Variants in WDR17 observed in about 807,000 individuals in gnomAD.
WDR17 encodes the protein WD repeat-containing protein 17.
WDR17 carries 143 observed loss-of-function variants against 161.7 expected under a neutral mutation model. The observed-to-expected ratio is 0.88, with a 90% confidence interval of 0.77 to 1.02. The LOEUF is 1.02. WDR17 is among the 50% of genes least tolerant of loss of function. The pLI is 0.00. For missense variants in WDR17, 1,469 were observed against 1,520.9 expected (o/e 0.97, Z 0.57); for synonymous variants, 517 against 515.6 (o/e 1.00, Z -0.04).
intron 26 of WDR17, among the ~76,000 whole-genome samples, chr4:176,176,034 A>G (rs945348532): frequency 6.6e-6 from 1 of 152,220 alleles, no homozygotes; most frequent in East Asian, 1.9e-4. Flanking sequence ...CTTTCTACAT[A>G]GGTAGCATAA....
At chr4:176,128,611 T>C in intron 5 of WDR17, 127 bp from the exon 6 acceptor site, 1 of 888,412 alleles carries the variant, frequency 1.1e-6, no homozygotes, top group South Asian at 1.7e-5. Context: ...TATGGTATTG[T>C]TGTTAAAAGG....
In WDR17 at chr4:176,115,914, A is replaced by T; in HGVS notation, c.242A>T (p.Asp81Val). Residue 81 changes from aspartate (D) to valine (V), a missense_variant, in exon 3 of 29, where the codon GAT becomes GTT. Coordinates refer to ENST00000508596, the MANE Select transcript of WDR17 (RefSeq NM_181265.4). The part of the protein sequence containing the change: ...NPDLFASGST[D>V]NLVIIWNVAE... ...GATCTGTTTGCAAGTGGCAGTACTGATAATTTAGTGATCATTTGGAATGTT... is the reference window on the plus strand; with the variant it reads ...GATCTGTTTGCAAGTGGCAGTACTGTTAATTTAGTGATCATTTGGAATGTT... 1 of 1,611,084 alleles carries T rather than the reference A, an allele frequency of 6.2e-7. No individual in the cohort carries two copies. Among genetic ancestry groups the T allele is most frequent in the East Asian group, 2.2e-5 (1 of 44,604 alleles).
intron 8 of WDR17, among the ~76,000 whole-genome samples, chr4:176,136,383 T>C (rs1371737297): frequency 1.3e-5 from 2 of 151,618 alleles, no homozygotes. Context: ...ATTAGTTGAA[T>C]ACTCTTCATC....
intron 22 of WDR17, 35 bp downstream of exon 22, chr4:176,163,328 G>A: frequency 6.4e-7 from 1 of 1,573,954 alleles, no homozygotes; most frequent in Admixed American, 1.9e-5. Flanking sequence ...TAATTTCATA[G>A]TGATGGAATA....
chr4:176,147,029 G>A (rs1442967390), intron 12 of WDR17, among the ~76,000 whole-genome samples: 3 of 151,994 alleles, frequency 2.0e-5, no homozygotes, highest in Non-Finnish European at 4.4e-5. Context: ...ACCACGCCCA[G>A]CTAATTTTTG....
intron 1 of WDR17, 26 bp from the exon 2 acceptor site, chr4:176,111,549 A>G (rs1363436251): frequency 6.3e-7 from 1 of 1,597,798 alleles, no homozygotes; most frequent in South Asian, 1.1e-5. Context: ...GAAATCACTG[A>G]CATTTCTTCA....
rs200846213 is a variant in WDR17, at chr4:176,125,321, G to A, written c.756G>A (p.Trp252Ter). 11 of 1,614,062 alleles carry A rather than the reference G, an allele frequency of 6.8e-6. No homozygotes were observed. The highest frequency in any genetic ancestry group is 1.3e-5 in the African/African-American group (1 of 75,008). Reference sequence around the variant, plus strand: ...CAGCTTCTGTACAGTGCTTAGCCTGGGTTCCCAGTGCTCCTGGGATGTTTA... The same window carrying A: ...CAGCTTCTGTACAGTGCTTAGCCTGAGTTCCCAGTGCTCCTGGGATGTTTA... ...SAAASVQCLA[W>*]VPSAPGMFIT... The change falls in exon 5 of 29, where the codon TGG becomes TGA. Residue 252 changes from tryptophan (W) to a stop codon, truncating the protein, a stop_gained. Transcript: ENST00000508596. LOFTEE classifies it high-confidence loss of function.
chr4:176,075,527 T>TA (rs1224509984), intron 1 of WDR17, among the ~76,000 whole-genome samples: 2 of 152,250 alleles, frequency 1.3e-5, no homozygotes, highest in Non-Finnish European at 2.9e-5. Context: ...TAATACATTT[T>TA]AAAAATTACA....
In WDR17 at chr4:176,149,715, C is replaced by T. The variant is rs1188103718; in HGVS notation, c.1898-92C>T. 3.3e-6 allele frequency: 5 copies of T among 1,501,438 alleles called. No homozygotes were observed. In the South Asian group the frequency reaches 4.9e-5, roughly 15 times the overall value. 93.0% of individuals were successfully genotyped at this position (1,501,438 alleles called of 1,614,324 possible). ...AGTTACTCACAATATTTCTTCATAG[C>T]TTCAATTCTGTAGAAGTTTTATGAA... On this transcript the variant is annotated intron_variant, in intron 13 of 28. Coordinates refer to ENST00000508596, the MANE Select transcript of WDR17 (RefSeq NM_181265.4).
At chr4:176,173,919 T>C (rs1408083376) in intron 25 of WDR17, among the ~76,000 whole-genome samples, 1 of 151,220 alleles carries the variant, frequency 6.6e-6, no homozygotes, top group African/African-American at 2.4e-5. Flanking sequence ...TGTTTATATA[T>C]GTACACACAC....
At chr4:176,174,556 CAGAGT>C (rs1751186681) in intron 25 of WDR17, 56 bp from the exon 26 acceptor site, 1 of 1,186,936 alleles carries the variant, frequency 8.4e-7, no homozygotes, top group Non-Finnish European at 1.2e-6. Flanking sequence ...AACTGTGTAT[CAGAGT>C]AATGTTCTAT....
chr4:176,080,448 T>TA (rs1032261382), intron 1 of WDR17, among the ~76,000 whole-genome samples: 1 of 151,506 alleles, frequency 6.6e-6, no homozygotes, highest in Non-Finnish European at 1.5e-5. Flanking sequence ...AAAAAGATTT[T>TA]AAAAAAACAA....
intron 10 of WDR17, among the ~76,000 whole-genome samples, chr4:176,141,179 ATCCTT>A (rs1745195222): frequency 7.2e-6 from 1 of 139,498 alleles, no homozygotes; most frequent in East Asian, 2.0e-4. Flanking sequence ...ATTATATAGA[ATCCTT>A]TTCTTATGGC....
intron 1 of WDR17, among the ~76,000 whole-genome samples, chr4:176,069,406 A>G (rs1732938005): frequency 6.6e-6 from 1 of 152,190 alleles, no homozygotes; most frequent in African/African-American, 2.4e-5. Context: ...ATCTATAATT[A>G]AGATAATACA....
intron 22 of WDR17, among the ~76,000 whole-genome samples, chr4:176,165,743 T>A (rs4299535): frequency 0.5 from 75,810 of 152,100 alleles, 19,415 homozygotes; most frequent in Admixed American, 0.62. Flanking sequence ...TTCAAACTCA[T>A]AACATAGTAT....
intron 17 of WDR17, 76 bp downstream of exon 17, chr4:176,152,043 A>G: frequency 6.9e-7 from 1 of 1,458,838 alleles, no homozygotes; most frequent in South Asian, 1.4e-5. Context: ...AATTTTAAGT[A>G]TTAAAAATAA....
chr4:176,111,511 A>T, intron 1 of WDR17, 64 bp from the exon 2 acceptor site: 1 of 1,544,436 alleles, frequency 6.5e-7, no homozygotes. Context: ...AGATAGATGT[A>T]AAACAATGAG....
chr4:176,104,329 A>G (rs1344010266), intron 1 of WDR17, among the ~76,000 whole-genome samples: 2 of 152,230 alleles, frequency 1.3e-5, no homozygotes, highest in African/African-American at 2.4e-5. Flanking sequence ...ATGAAAAAAT[A>G]AAGATCTTGA....
intron 1 of WDR17, among the ~76,000 whole-genome samples, chr4:176,099,233 A>T (rs1170548019): frequency 6.6e-6 from 1 of 152,168 alleles, no homozygotes; most frequent in East Asian, 1.9e-4. Flanking sequence ...GCACAAGGCA[A>T]ATCACTGCCC....
Sources: gnomAD v4.1 joint callset for allele counts (sites outside exome capture counted in the v4.1 genomes callset) on GRCh38, gnomAD v4.1.1 for gene constraint, MANE v1.5 for transcripts, NCBI Gene and HGNC (gene_info 2026-07-23, HGNC 2026-07-21) for gene names.